ZNF573: variants seen among roughly 807,000 people sequenced by gnomAD.
The protein encoded by ZNF573 is zinc finger protein 573.
In ZNF573, 41 loss-of-function variants were observed where a neutral mutation model predicts 57.4. The ratio of observed to expected loss-of-function variants is 0.71; its 90% confidence interval spans 0.56 to 0.93. The LOEUF is 0.93. Ranked by LOEUF, ZNF573 falls within the 40% of genes least tolerant of loss-of-function variation. The pLI is 0.00. For missense variants in ZNF573, 730 were observed against 794.8 expected, an observed-to-expected ratio of 0.92 and a Z score of 0.98; for synonymous variants, 249 against 261.0, an observed-to-expected ratio of 0.95 and a Z score of 0.44.
intron 4 of ZNF573, among the ~76,000 whole-genome samples, chr19:37,759,454 G>A (rs975961925): frequency 1.2e-4 from 18 of 152,032 alleles, no homozygotes; most frequent in African/African-American, 4.1e-4. Flanking sequence ...TAGACCAGGC[G>A]CGGTGGCTCA....
chr19:37,769,859 G>A (rs1237164648), intron 4 of ZNF573, 146 bp downstream of exon 4: 5 of 657,504 alleles, frequency 7.6e-6, no homozygotes, highest in Non-Finnish European at 1.1e-5. Flanking sequence ...CTTATGCTAC[G>A]ATCTTTATTC....
At chr19:37,757,138 G>C (rs1303307887) in intron 4 of ZNF573, among the ~76,000 whole-genome samples, 1 of 151,836 alleles carries the variant, frequency 6.6e-6, no homozygotes, top group Non-Finnish European at 1.5e-5. Flanking sequence ...TACTCATCAA[G>C]GCTCCAAGTA....
chr19:37,764,065 A>C (rs867651371), intron 4 of ZNF573, among the ~76,000 whole-genome samples: 9,690 of 49,220 alleles, frequency 0.2, 335 homozygotes, highest in African/African-American at 0.26. Flanking sequence ...CTCTGCCTCA[A>C]AAAAAAAAAA....
At chr19:37,757,935 C>T (rs1364269100) in intron 4 of ZNF573, among the ~76,000 whole-genome samples, 2 of 151,456 alleles carry the variant, frequency 1.3e-5, no homozygotes, top group Non-Finnish European at 2.9e-5. Flanking sequence ...AGCAAACTAT[C>T]GCAAGGACAA....
intron 4 of ZNF573, among the ~76,000 whole-genome samples, chr19:37,763,422 AG>A (rs2045571227): frequency 6.6e-6 from 1 of 151,880 alleles, no homozygotes. Context: ...AAAATTAGCC[AG>A]GCATGGTGGC....
At chr19:37,758,964 T>C (rs2045524760) in intron 4 of ZNF573, 1 of 387,620 alleles carries the variant, frequency 2.6e-6, no homozygotes, top group African/African-American at 2.2e-5. Context: ...TCAGTTGCTT[T>C]CTAATATATC....
chr19:37,760,676 G>C (rs897746230), intron 4 of ZNF573, among the ~76,000 whole-genome samples: 47 of 151,828 alleles, frequency 3.1e-4, no homozygotes, highest in Admixed American at 3.1e-3. Context: ...ACAAAAATTA[G>C]CCAGGCATGG....
intron 4 of ZNF573, among the ~76,000 whole-genome samples, chr19:37,764,083 T>C (rs796697200): frequency 1.8e-5 from 2 of 112,814 alleles, no homozygotes; most frequent in Non-Finnish European, 1.9e-5. Context: ...AAAAAAAAAA[T>C]AGAATAAAGG....
At chr19:37,749,950 A>T (rs2045417441) in intron 4 of ZNF573, among the ~76,000 whole-genome samples, 1 of 152,200 alleles carries the variant, frequency 6.6e-6, no homozygotes, top group Non-Finnish European at 1.5e-5. Flanking sequence ...AGTTTTTAAA[A>T]AGCACAATGG....
At chr19:37,755,798 T>G (rs1309018459) in intron 4 of ZNF573, among the ~76,000 whole-genome samples, 2 of 138,818 alleles carry the variant, frequency 1.4e-5, no homozygotes, top group Non-Finnish European at 3.1e-5. Flanking sequence ...TTACTGTATT[T>G]AGAAAAATAT....
intron 4 of ZNF573, among the ~76,000 whole-genome samples, chr19:37,767,558 C>A (rs1358407458): frequency 6.6e-6 from 1 of 152,090 alleles, no homozygotes; most frequent in Non-Finnish European, 1.5e-5. Context: ...TAAGATGGTT[C>A]TTTAGGACAT....
intron 3 of ZNF573, among the ~76,000 whole-genome samples, chr19:37,771,095 T>C (rs2045654651): frequency 6.6e-6 from 1 of 151,236 alleles, no homozygotes; most frequent in Non-Finnish European, 1.5e-5. Context: ...CAATAAATAT[T>C]GTTCATCTAA....
intron 4 of ZNF573, among the ~76,000 whole-genome samples, chr19:37,756,309 C>T (rs951232713): frequency 4.6e-5 from 7 of 152,218 alleles, no homozygotes; most frequent in African/African-American, 1.7e-4. Flanking sequence ...CCCCAAACCT[C>T]TTCATGTTAT....
intron 4 of ZNF573, among the ~76,000 whole-genome samples, chr19:37,749,382 A>C (rs1167687689): frequency 6.6e-6 from 1 of 152,048 alleles, no homozygotes; most frequent in Non-Finnish European, 1.5e-5. Context: ...AGCTGGGGAA[A>C]GGAAACAGCA....
chr19:37,756,028 C>T (rs1271558919), intron 4 of ZNF573, among the ~76,000 whole-genome samples: 1 of 152,196 alleles, frequency 6.6e-6, no homozygotes, highest in African/African-American at 2.4e-5. Flanking sequence ...ACCACTGACC[C>T]TTCAGGGAAG....
chr19:37,759,067 G>A, intron 4 of ZNF573: 1 of 529,724 alleles, frequency 1.9e-6, no homozygotes, highest in Non-Finnish European at 2.4e-6. Flanking sequence ...AGCACTTTGG[G>A]AAGCCAATGC....
intron 4 of ZNF573, among the ~76,000 whole-genome samples, chr19:37,750,089 T>G (rs1018767135): frequency 2.0e-5 from 3 of 151,784 alleles, no homozygotes; most frequent in African/African-American, 7.3e-5. Flanking sequence ...TTTTTTAATT[T>G]TTTTTTTTTT....
At chr19:37,753,794 C>T (rs1295727318) in intron 4 of ZNF573, among the ~76,000 whole-genome samples, 1 of 152,104 alleles carries the variant, frequency 6.6e-6, no homozygotes, top group African/African-American at 2.4e-5. Flanking sequence ...AGGAAATATC[C>T]AGTGGGCATT....
intron 4 of ZNF573, among the ~76,000 whole-genome samples, chr19:37,751,068 G>C (rs1319958103): frequency 6.7e-6 from 1 of 149,728 alleles, no homozygotes; most frequent in East Asian, 2.0e-4. Context: ...GTATAGTATG[G>C]TATATATACT....
Sources: gnomAD v4.1 joint callset for allele counts (sites outside exome capture counted in the v4.1 genomes callset) on GRCh38, gnomAD v4.1.1 for gene constraint, MANE v1.5 for transcripts, NCBI Gene and HGNC (gene_info 2026-07-23, HGNC 2026-07-21) for gene names.